GNB4: variants seen among roughly 807,000 people sequenced by gnomAD.
GNB4 encodes the protein guanine nucleotide-binding protein subunit beta-4.
A neutral mutation model predicts 45.2 loss-of-function variants in GNB4; 28 were observed. The observed-to-expected ratio is 0.62, with a 90% CI of 0.46 to 0.85. The LOEUF (loss-of-function observed/expected upper bound fraction) is 0.85, where lower values mean the gene tolerates loss of function less well. GNB4 is among the 40% of genes least tolerant of loss of function. The probability of loss-of-function intolerance (pLI) is 0.00; values close to 1 mark genes in which losing one functional copy is unlikely to be tolerated. For missense variants in GNB4, 321 were observed against 425.4 expected, an observed-to-expected ratio of 0.75 and a Z score of 2.16; for synonymous variants, 132 against 143.7, an observed-to-expected ratio of 0.92 and a Z score of 0.58.
chr3:179,516,931 T>A, the GNB4 span, among the ~76,000 whole-genome samples: 961 of 152,304 alleles, frequency 6.3e-3, 16 homozygotes, highest in African/African-American at 0.022. Context: ...TTGCAGTGAA[T>A]GACTCCAGCT....
the GNB4 span, among the ~76,000 whole-genome samples, chr3:179,526,735 G>A: frequency 6.6e-6 from 1 of 152,100 alleles, no homozygotes; most frequent in Non-Finnish European, 1.5e-5. Context: ...TCTTAGTCTG[G>A]TTGTATAAAC....
chr3:179,483,563 C>T, the GNB4 span, among the ~76,000 whole-genome samples: 1 of 152,054 alleles, frequency 6.6e-6, no homozygotes, highest in South Asian at 2.1e-4. Context: ...AATTTCATTT[C>T]CCTTCTTCAA....
Position 179,400,989 on chromosome 3 carries a change from A to T in GNB4, c.*224T>A. On this transcript the variant is annotated 3_prime_UTR_variant, in exon 10 of 10. Transcript: ENST00000232564. ...AATTCACCAAGGTTAAAATAACCCA[A>T]CCCCTCAAATTAATACACTGGTCCT... 1 of 430,408 alleles carries T rather than the reference A, an allele frequency of 2.3e-6. No individual in the cohort carries two copies. The highest frequency in any genetic ancestry group is 5.0e-5 in the South Asian group (1 of 20,184). The allele number at this position is 430,408 out of a possible 1,614,324, so 26.7% of individuals were successfully genotyped here.
At chr3:179,418,136 G>C (rs1714856962) in intron 4 of GNB4, among the ~76,000 whole-genome samples, 1 of 152,020 alleles carries the variant, frequency 6.6e-6, no homozygotes, top group South Asian at 2.1e-4. Flanking sequence ...TTTATCAACA[G>C]GTAAATTATT....
At chr3:179,510,729 G>A in the GNB4 span, among the ~76,000 whole-genome samples, 11 of 152,110 alleles carry the variant, frequency 7.2e-5, no homozygotes, top group Non-Finnish European at 1.5e-4. Flanking sequence ...TTCACTAGCT[G>A]AGTCTTTGCA....
chr3:179,501,490 A>ATT, the GNB4 span, among the ~76,000 whole-genome samples: 33,135 of 144,570 alleles, frequency 0.23, 4,250 homozygotes, highest in Admixed American at 0.36. Flanking sequence ...TTTGGTTTGG[A>ATT]TTTTTTTTTT....
At chr3:179,498,752 T>TTG in the GNB4 span, among the ~76,000 whole-genome samples, 25 of 143,292 alleles carry the variant, frequency 1.7e-4, no homozygotes, top group South Asian at 9.3e-4. Context: ...AGGTTTGGTT[T>TTG]TTTTTTTTTT....
At chr3:179,430,069 G>GAC (rs1327134948) in intron 1 of GNB4, among the ~76,000 whole-genome samples, 14 of 93,850 alleles carry the variant, frequency 1.5e-4, no homozygotes, top group East Asian at 9.0e-4. Flanking sequence ...GTGACTGAGA[G>GAC]AGAGACAGAC....
the GNB4 span, among the ~76,000 whole-genome samples, chr3:179,496,663 C>A: frequency 6.6e-6 from 1 of 151,918 alleles, no homozygotes; most frequent in South Asian, 2.1e-4. Context: ...TTCATGAAAG[C>A]AGAAACCAAA....
chr3:179,492,481 C>T, the GNB4 span, among the ~76,000 whole-genome samples: 8 of 152,158 alleles, frequency 5.3e-5, no homozygotes, highest in African/African-American at 9.6e-5. Flanking sequence ...CCCCAGGGCC[C>T]GAGCAGCCCT....
intron 8 of GNB4, chr3:179,410,356 A>G (rs1714617467): frequency 6.6e-6 from 1 of 151,438 alleles, no homozygotes; most frequent in East Asian, 1.9e-4. Flanking sequence ...TTATTGATTG[A>G]TAGATAGATA....
the GNB4 span, among the ~76,000 whole-genome samples, chr3:179,494,371 G>A: frequency 1.3e-5 from 2 of 151,738 alleles, no homozygotes; most frequent in Non-Finnish European, 1.5e-5. Context: ...GAGGGAAGAA[G>A]GGAGGGAGAA....
the GNB4 span, among the ~76,000 whole-genome samples, chr3:179,466,254 A>G: frequency 6.6e-6 from 1 of 151,000 alleles, no homozygotes; most frequent in Non-Finnish European, 1.5e-5. Context: ...CAAGTGATCC[A>G]CCTACCTCGG....
chr3:179,440,541 T>A (rs1715567874), intron 1 of GNB4, among the ~76,000 whole-genome samples: 1 of 152,130 alleles, frequency 6.6e-6, no homozygotes, highest in Non-Finnish European at 1.5e-5. Flanking sequence ...AACTTGTGAT[T>A]ACGTTTTCTG....
the GNB4 span, chr3:179,464,605 A>G: frequency 7.5e-7 from 1 of 1,336,406 alleles, no homozygotes; most frequent in East Asian, 2.3e-5. Context: ...TACGTCCTCA[A>G]CAAAACCAGG....
At chr3:179,476,496 T>C in the GNB4 span, among the ~76,000 whole-genome samples, 1 of 151,986 alleles carries the variant, frequency 6.6e-6, no homozygotes, top group African/African-American at 2.4e-5. Flanking sequence ...GCCTCAGGAG[T>C]GGCTCCACTC....
intron 9 of GNB4, among the ~76,000 whole-genome samples, chr3:179,402,266 C>G (rs1200700958): frequency 6.6e-6 from 1 of 152,160 alleles, no homozygotes; most frequent in Non-Finnish European, 1.5e-5. Flanking sequence ...GTTCAAAGTT[C>G]CAGTTGAGCC....
chr3:179,415,357 G>A (rs1018553859), intron 5 of GNB4, among the ~76,000 whole-genome samples: 2 of 152,184 alleles, frequency 1.3e-5, no homozygotes, highest in African/African-American at 4.8e-5. Context: ...AAAATTAAGT[G>A]TAAAATGTTA....
At chr3:179,437,512 C>T (rs184144342) in intron 1 of GNB4, among the ~76,000 whole-genome samples, 118 of 151,766 alleles carry the variant, frequency 7.8e-4, no homozygotes, top group Admixed American at 3.0e-3. Context: ...TTGCAGTGAG[C>T]GGAAGATTGC....
Sources: allele counts gnomAD v4.1 joint callset (sites outside exome capture counted in the v4.1 genomes callset), GRCh38; gene constraint gnomAD v4.1.1; transcripts MANE v1.5; gene names NCBI Gene and HGNC (gene_info 2026-07-23, HGNC 2026-07-21).